KCNQ1: variants seen among roughly 807,000 people sequenced by gnomAD.
KCNQ1 encodes the protein potassium voltage-gated channel subfamily KQT member 1.
Under a neutral mutation model 72.4 loss-of-function variants are expected in KCNQ1, and 49 were observed. The observed-to-expected ratio is 0.68, with a 90% CI of 0.54 to 0.86. The LOEUF (loss-of-function observed/expected upper bound fraction) is 0.86, where lower values mean the gene tolerates loss of function less well. Among genes scored for constraint, KCNQ1 ranks in the 40% least tolerant of loss-of-function variants. The pLI, the probability that KCNQ1 is intolerant of heterozygous loss-of-function variation, is 0.00. For missense variants in KCNQ1, 790 were observed against 945.1 expected (o/e 0.84, Z 2.15); for synonymous variants, 450 against 412.6 (o/e 1.09, Z -1.10).
intron 2 of KCNQ1, among the ~76,000 whole-genome samples, chr11:2,531,193 C>T (rs1399103500): frequency 7.0e-6 from 1 of 142,124 alleles, no homozygotes; most frequent in East Asian, 2.1e-4. Flanking sequence ...TCCACATGCC[C>T]GTCTGCAGCT....
At chr11:2,510,440 C>G (rs1847180131) in intron 1 of KCNQ1, among the ~76,000 whole-genome samples, 1 of 151,810 alleles carries the variant, frequency 6.6e-6, no homozygotes, top group Non-Finnish European at 1.5e-5. Context: ...AACCCCGTCT[C>G]TACTAAAAAT....
Position 2,445,081 on chromosome 11 carries a change from C to G in KCNQ1, c.-18C>G. ...GGTGCCGCCGCTCGGGCCGGCCCCC[C>G]GGCAGGCCCTCCTCGTTATGGCCGC... On this transcript the variant is annotated 5_prime_UTR_variant, in exon 1 of 16. Coordinates refer to ENST00000155840, the MANE Select transcript of KCNQ1 (RefSeq NM_000218.3). 1 of 1,067,700 alleles carries G rather than the reference C, an allele frequency of 9.4e-7. No homozygotes were observed. Among genetic ancestry groups the G allele is most frequent in the East Asian group, 6.0e-5 (1 of 16,554 alleles). The allele number at this position is 1,067,700 out of a possible 1,614,324, so 66.1% of individuals were successfully genotyped here.
chr11:2,552,052 T>G (rs1371424569), intron 2 of KCNQ1, among the ~76,000 whole-genome samples: 5 of 152,232 alleles, frequency 3.3e-5, no homozygotes, highest in African/African-American at 1.2e-4. Context: ...TTGCATTTTC[T>G]TAACAGGATC....
chr11:2,515,713 G>A lies in KCNQ1; in HGVS notation c.387-12215G>A, dbSNP rs1043574434. On this transcript the variant is annotated intron_variant, in intron 1 of 15. Coordinates refer to ENST00000155840, the MANE Select transcript of KCNQ1 (RefSeq NM_000218.3). This position sits in a 1 kb window ranked among gnomAD's most constrained non-coding sequence, Gnocchi z 4.7. The stretch of plus-strand genomic sequence containing the variant: ...TGGGGTCACTTCAGTTTGTCCTCCC[G>A]GCGCCTTCTAAATATACTCTCTGTG... Among the ~76,000 whole-genome samples the A allele has an allele frequency of 1.2e-4, 18 of 152,208 alleles. No homozygotes were observed. The highest frequency in any genetic ancestry group is 4.3e-4 in the African/African-American group (18 of 41,534).
At chr11:2,843,393 G>A (rs1466325976) in intron 15 of KCNQ1, among the ~76,000 whole-genome samples, 1 of 152,248 alleles carries the variant, frequency 6.6e-6, no homozygotes, top group Non-Finnish European at 1.5e-5. Context: ...GGACAGACAG[G>A]AGGAAGGCCA....
Position 2,612,631 on chromosome 11 carries a change from G to A in KCNQ1, c.1393+23777G>A, listed in dbSNP as rs1323633717. 1.0e-5 allele frequency: 4 copies of A among 398,344 alleles called. No individual in the cohort carries two copies. The highest frequency in any genetic ancestry group is 1.8e-5 in the Non-Finnish European group (4 of 226,040). 24.7% of individuals were successfully genotyped at this position (398,344 alleles called of 1,614,324 possible). A position where few individuals can be genotyped will look rare whatever the true frequency, so the allele number is the denominator to read the frequency against. ...TATATTGATATTATCTATTTGATGA[G>A]TCTTTGTCATCACACTTGCATTCTT... On this transcript the variant is annotated intron_variant, in intron 10 of 15. Transcript: ENST00000155840. The surrounding 1 kb of genome is among the most constrained non-coding windows in gnomAD (Gnocchi z 5.5).
intron 2 of KCNQ1, among the ~76,000 whole-genome samples, chr11:2,532,149 C>G (rs1847646066): frequency 6.6e-6 from 1 of 152,212 alleles, no homozygotes; most frequent in Admixed American, 6.5e-5. Flanking sequence ...GCCGACCTGC[C>G]CTGTTCTGGG....
Position 2,669,800 on chromosome 11 carries a change from C to T in KCNQ1, c.1514+7719C>T. 5.0e-6 allele frequency: 2 copies of T among 398,608 alleles called. No homozygotes were observed. The highest frequency in any genetic ancestry group is 8.8e-6 in the Non-Finnish European group (2 of 226,070). 24.7% of individuals were successfully genotyped at this position (398,608 alleles called of 1,614,324 possible). On this transcript the variant is annotated intron_variant, in intron 11 of 15. Coordinates refer to ENST00000155840, the MANE Select transcript of KCNQ1 (RefSeq NM_000218.3). This position sits in a 1 kb window ranked among gnomAD's most constrained non-coding sequence, Gnocchi z 5.6. ...TCCTGTGGGGACATTCCTTATTTGG[C>T]CTGAGAGCTTTTGAGACTGCCAGGT...
chr11:2,541,000 C>T (rs539821565), intron 2 of KCNQ1, among the ~76,000 whole-genome samples: 13 of 152,340 alleles, frequency 8.5e-5, no homozygotes, highest in Admixed American at 3.9e-4. Context: ...CATATGTGCA[C>T]GGATGGGCGT....
rs1164802516 is a variant in KCNQ1, at chr11:2,481,291, C to G, written c.386+35807C>G. ...TTTTTAAAGAAGAAAAGTAAAATGA[C>G]TCATCGTACCAAAAGCCAGAGATGC... is the stretch of plus-strand genomic sequence containing the variant. On this transcript the variant is annotated intron_variant, in intron 1 of 15. Coordinates refer to ENST00000155840, the MANE Select transcript of KCNQ1 (RefSeq NM_000218.3). This position sits in a 1 kb window ranked among gnomAD's most constrained non-coding sequence, Gnocchi z 4.6. Among the ~76,000 whole-genome samples the G allele has an allele frequency of 6.6e-6, 1 of 152,142 alleles. No individual in the cohort carries two copies. Among genetic ancestry groups the G allele is most frequent in the Non-Finnish European group, 1.5e-5 (1 of 68,040 alleles).
At position 2,723,315 on chromosome 11, in the gene KCNQ1, G is replaced by C. The variant is rs1255970019; in HGVS notation, c.1515-45529G>C. 6.6e-6 allele frequency among the ~76,000 whole-genome samples: 1 copy of C among 152,186 alleles called. No homozygotes were observed. The highest frequency in any genetic ancestry group is 1.5e-5 in the Non-Finnish European group (1 of 68,024). ...AAGTGAGGGACGAGGAGGCTCCGCA[G>C]CCTCCCCCGGGACACTGCAACCCTC... On this transcript the variant is annotated intron_variant, in intron 11 of 15. Coordinates refer to ENST00000155840, the MANE Select transcript of KCNQ1 (RefSeq NM_000218.3). This position sits in a 1 kb window ranked among gnomAD's most constrained non-coding sequence, Gnocchi z 4.2.
Position 2,565,989 on chromosome 11 carries a change from C to G in KCNQ1, c.478-4639C>G, listed in dbSNP as rs1047627862. On this transcript the variant is annotated intron_variant, in intron 2 of 15. Transcript: ENST00000155840. This position sits in a 1 kb window ranked among gnomAD's most constrained non-coding sequence, Gnocchi z 5.6. ...CAGGCCAGACCCAGCTCTCCAGCTT[C>G]CCGGCTGCCCACTAGATGACCACCA... Among the ~76,000 whole-genome samples the G allele has an allele frequency of 1.3e-5, 2 of 152,132 alleles. No individual in the cohort carries two copies. The highest frequency in any genetic ancestry group is 2.9e-5 in the Non-Finnish European group (2 of 68,022).
At chr11:2,622,872 C>T (rs1849198244) in intron 10 of KCNQ1, 1 of 398,512 alleles carries the variant, frequency 2.5e-6, no homozygotes, top group Non-Finnish European at 4.4e-6. Flanking sequence ...TATGAATCTG[C>T]ATTTACACAT....
chr11:2,584,545 T>TTGTGTTAG (rs60129881), intron 7 of KCNQ1, among the ~76,000 whole-genome samples: 24,551 of 124,912 alleles, frequency 0.2, 2,844 homozygotes, highest in African/African-American at 0.42. Context: ...TAGTATGTGT[T>TTGTGTTAG]TGTGTTAGTG....
rs60581466 is a variant in KCNQ1 at position 2,765,548 on chromosome 11, T to C, written c.1515-3296T>C. On this transcript the variant is annotated intron_variant, in intron 11 of 15. Coordinates refer to ENST00000155840, the MANE Select transcript of KCNQ1 (RefSeq NM_000218.3). ...ATTTGTCTCTGACTTGACAAAGCTT[T>C]GACTGCTTTTCTATCAGTTACTGAC... Among the ~76,000 whole-genome samples the C allele has an allele frequency of 7.3e-3, 1,113 of 152,346 alleles. 17 individuals are homozygous for C. The highest frequency in any genetic ancestry group is 0.026 in the African/African-American group (1,070 of 41,574).
At chr11:2,753,195 G>A (rs1423121494) in intron 11 of KCNQ1, among the ~76,000 whole-genome samples, 2 of 152,208 alleles carry the variant, frequency 1.3e-5, no homozygotes, top group African/African-American at 4.8e-5. Flanking sequence ...ATGAGCAGTA[G>A]GAAGCCATAC....
intron 11 of KCNQ1, among the ~76,000 whole-genome samples, chr11:2,728,556 C>T (rs902432189): frequency 6.6e-6 from 1 of 152,230 alleles, no homozygotes; most frequent in Non-Finnish European, 1.5e-5. Flanking sequence ...GATTCTAAAA[C>T]ACTCTGGCAC....
At chr11:2,456,733 A>G (rs1475297540) in intron 1 of KCNQ1, among the ~76,000 whole-genome samples, 2 of 147,376 alleles carry the variant, frequency 1.4e-5, no homozygotes, top group African/African-American at 2.5e-5. Flanking sequence ...CATCCTGGCT[A>G]ACATGGTGAA....
At chr11:2,741,395 T>A (rs971919405) in intron 11 of KCNQ1, among the ~76,000 whole-genome samples, 2 of 152,172 alleles carry the variant, frequency 1.3e-5, no homozygotes, top group African/African-American at 4.8e-5. Flanking sequence ...CTTTTTGTTT[T>A]ATTATCCAGA....
Sources: gnomAD v4.1 joint callset for allele counts (sites outside exome capture counted in the v4.1 genomes callset) on GRCh38, gnomAD v4.1.1 for gene constraint, Gnocchi (gnomAD v3.1) non-coding constraint, MANE v1.5 for transcripts, NCBI Gene and HGNC (gene_info 2026-07-23, HGNC 2026-07-21) for gene names.